COBL: variants seen among roughly 807,000 people sequenced by gnomAD.
COBL encodes the protein protein cordon-bleu.
Under a neutral mutation model 98.8 loss-of-function variants are expected in COBL, and 51 were observed. The ratio of observed to expected loss-of-function variants is 0.52; its 90% CI spans 0.41 to 0.65. COBL has a LOEUF of 0.65. Ranked by LOEUF, COBL falls within the 30% of genes least tolerant of loss-of-function variation. COBL has a pLI of 0.00. For synonymous variants in COBL, 634 were observed against 651.7 expected (o/e 0.97, Z 0.41); for missense variants, 1,617 against 1,617.5 (o/e 1.00, Z 0.01).
chr7:51,233,080 T>A (rs189634725), intron 1 of COBL, among the ~76,000 whole-genome samples: 7 of 152,322 alleles, frequency 4.6e-5, no homozygotes, highest in African/African-American at 1.7e-4. Flanking sequence ...ATTAAGCACT[T>A]GAATATGTCA....
At chr7:51,147,991 G>A (rs1005078015) in intron 5 of COBL, among the ~76,000 whole-genome samples, 12 of 151,872 alleles carry the variant, frequency 7.9e-5, no homozygotes, top group Non-Finnish European at 1.3e-4. Flanking sequence ...CACGATCTCC[G>A]GATCTCGTGA....
chr7:51,169,539 T>C (rs1287028116), intron 5 of COBL, among the ~76,000 whole-genome samples: 1 of 152,224 alleles, frequency 6.6e-6, no homozygotes, highest in Non-Finnish European at 1.5e-5. Flanking sequence ...TGAGATCTTG[T>C]CATTTGCAAC....
At chr7:51,304,807 A>C (rs888707470) in intron 1 of COBL, among the ~76,000 whole-genome samples, 2 of 152,218 alleles carry the variant, frequency 1.3e-5, no homozygotes, top group Non-Finnish European at 2.9e-5. Flanking sequence ...GTCTCTAATC[A>C]TCTCATAAAA....
intron 5 of COBL, among the ~76,000 whole-genome samples, chr7:51,174,774 A>G (rs1788208239): frequency 6.6e-6 from 1 of 152,054 alleles, no homozygotes; most frequent in Admixed American, 6.6e-5. Context: ...GCCTTTAAAA[A>G]CCTTCTTATA....
At chr7:51,238,384 G>A (rs973709073) in intron 1 of COBL, among the ~76,000 whole-genome samples, 3 of 152,034 alleles carry the variant, frequency 2.0e-5, no homozygotes, top group Non-Finnish European at 2.9e-5. Context: ...CCCTTCCCTG[G>A]GCTTCTGTGT....
intron 1 of COBL, among the ~76,000 whole-genome samples, chr7:51,226,347 T>TG (rs1794179593): frequency 3.9e-5 from 6 of 152,184 alleles, no homozygotes; most frequent in Admixed American, 1.3e-4. Flanking sequence ...AATAGGATGT[T>TG]TGCTTCATCC....
chr7:51,112,783 G>C lies in COBL; in HGVS notation c.957+23375C>G, dbSNP rs78626499. On this transcript the variant is annotated intron_variant, in intron 6 of 12. Transcript: ENST00000265136. Reference sequence around the variant, plus strand: ...TTAGGTCAACGCTGCAGGCAGGAAGGCACAATCAGGTTTCTCATTAGCTTC... The same window carrying C: ...TTAGGTCAACGCTGCAGGCAGGAAGCCACAATCAGGTTTCTCATTAGCTTC... Among the ~76,000 whole-genome samples, 674 of 152,262 alleles carry C rather than the reference G, an allele frequency of 4.4e-3. 6 individuals carry two copies. The highest frequency in any genetic ancestry group is 0.015 in the African/African-American group (634 of 41,546).
At chr7:51,020,545 C>T (rs1035107015) in intron 12 of COBL, among the ~76,000 whole-genome samples, 6 of 152,216 alleles carry the variant, frequency 3.9e-5, no homozygotes, top group African/African-American at 1.4e-4. Flanking sequence ...GGTACTTGTA[C>T]ATTCCAGGCC....
chr7:51,088,519 G>GC (rs1245403598), intron 6 of COBL, among the ~76,000 whole-genome samples: 4 of 151,848 alleles, frequency 2.6e-5, no homozygotes, highest in Non-Finnish European at 5.9e-5. Flanking sequence ...CAGAAGCTAT[G>GC]CTTTATGCTT....
rs377354846 is a variant in COBL, at chr7:51,127,753, G to A, written c.957+8405C>T. 3.5e-4 allele frequency among the ~76,000 whole-genome samples: 53 copies of A among 152,304 alleles called. No homozygotes were observed. In the East Asian group the frequency reaches 7.5e-3, roughly 22 times the overall value. On this transcript the variant is annotated intron_variant, in intron 6 of 12. Coordinates refer to ENST00000265136, the MANE Select transcript of COBL (RefSeq NM_015198.5). ...TGAAGGCTGGGGGTGTTTTACTTAA[G>A]AGCAGTCCCAGAGAGCAAAGGGGTG... is the stretch of plus-strand genomic sequence containing the variant.
intron 7 of COBL, among the ~76,000 whole-genome samples, chr7:51,077,692 T>C (rs1469707041): frequency 6.6e-6 from 1 of 152,226 alleles, no homozygotes; most frequent in Non-Finnish European, 1.5e-5. Context: ...CTACAAAGAC[T>C]ATCAAGAAAG....
rs1562791312 is a variant in COBL, at chr7:51,016,637, A to G, written c.*914T>C. 1 of 282,608 alleles carries G rather than the reference A, an allele frequency of 3.5e-6. No homozygotes were observed. Among genetic ancestry groups the G allele is most frequent in the East Asian group, 5.9e-5 (1 of 16,952 alleles). 17.5% of individuals were successfully genotyped at this position (282,608 alleles called of 1,614,324 possible). A position where few individuals can be genotyped will look rare whatever the true frequency, so the allele number is the denominator to read the frequency against. ...CCAAAATTGTGATGCTCTCAGCGCA[A>G]CTTTGATCTGAACTCTTGACAGGTG... On this transcript the variant is annotated 3_prime_UTR_variant, in exon 13 of 13. Coordinates refer to ENST00000265136, the MANE Select transcript of COBL (RefSeq NM_015198.5).
At chr7:51,265,079 A>G (rs1474232041) in intron 1 of COBL, among the ~76,000 whole-genome samples, 1 of 152,186 alleles carries the variant, frequency 6.6e-6, no homozygotes, top group Non-Finnish European at 1.5e-5. Context: ...GATGCCCGAC[A>G]ACCAGCGGCA....
intron 6 of COBL, among the ~76,000 whole-genome samples, chr7:51,126,650 G>T (rs1798232865): frequency 6.6e-6 from 1 of 152,150 alleles, no homozygotes; most frequent in South Asian, 2.1e-4. Flanking sequence ...TCCATGGCAT[G>T]TGTAGCAAGG....
chr7:51,298,771 G>A (rs1801645563), intron 1 of COBL, among the ~76,000 whole-genome samples: 1 of 152,220 alleles, frequency 6.6e-6, no homozygotes, highest in South Asian at 2.1e-4. Flanking sequence ...TACCTCAGGA[G>A]TTAATAACAA....
chr7:51,207,799 G>A (rs1333194535), intron 2 of COBL, among the ~76,000 whole-genome samples: 42 of 152,340 alleles, frequency 2.8e-4, no homozygotes, highest in East Asian at 1.2e-3. Context: ...CCTCCCAGCC[G>A]CCTGCCTTGG....
intron 1 of COBL, among the ~76,000 whole-genome samples, chr7:51,245,964 A>G (rs1796242795): frequency 6.6e-6 from 1 of 152,210 alleles, no homozygotes; most frequent in South Asian, 2.1e-4. Flanking sequence ...TATATTATCC[A>G]AAGACTTAGT....
intron 7 of COBL, chr7:51,073,422 C>T: frequency 1.5e-6 from 1 of 657,232 alleles, no homozygotes; most frequent in Non-Finnish European, 2.8e-6. Context: ...TGTGAACGCA[C>T]ACTTGCGGTG....
intron 6 of COBL, among the ~76,000 whole-genome samples, chr7:51,096,730 A>G (rs982400383): frequency 3.3e-5 from 5 of 152,144 alleles, no homozygotes; most frequent in Non-Finnish European, 5.9e-5. Flanking sequence ...ACACCAACCA[A>G]TTGGATAACC....
Sources: gnomAD v4.1 joint callset for allele counts (sites outside exome capture counted in the v4.1 genomes callset) on GRCh38, gnomAD v4.1.1 for gene constraint, MANE v1.5 for transcripts, NCBI Gene and HGNC (gene_info 2026-07-23, HGNC 2026-07-21) for gene names.